VWA8: variants seen among roughly 807,000 people sequenced by gnomAD.
VWA8 encodes von Willebrand factor A domain containing 8.
Under a neutral mutation model 241.5 loss-of-function variants are expected in VWA8, and 221 were observed. That is an observed-to-expected ratio of 0.91 (90% confidence interval 0.82 to 1.02). The LOEUF (loss-of-function observed/expected upper bound fraction) is 1.02, where lower values mean the gene tolerates loss of function less well. VWA8 is among the 50% of genes least tolerant of loss of function. The pLI is 0.00. For synonymous variants in VWA8, 852 were observed against 827.1 expected (o/e 1.03, Z -0.52); for missense variants, 2,322 against 2,328.7 (o/e 1.00, Z 0.06).
intron 26 of VWA8, among the ~76,000 whole-genome samples, chr13:41,709,330 C>A (rs2045302148): frequency 6.6e-6 from 1 of 152,154 alleles, no homozygotes; most frequent in African/African-American, 2.4e-5. Context: ...TTTTCATTGC[C>A]ACGGCCACAA....
intron 17 of VWA8, among the ~76,000 whole-genome samples, chr13:41,799,815 A>T (rs759463911): frequency 2.6e-5 from 4 of 152,280 alleles, no homozygotes; most frequent in Admixed American, 1.3e-4. Context: ...ACCTATTTAA[A>T]GTATACAATT....
intron 4 of VWA8, among the ~76,000 whole-genome samples, chr13:41,903,730 T>C (rs1346775894): frequency 1.3e-5 from 2 of 152,178 alleles, no homozygotes; most frequent in Admixed American, 6.5e-5. Context: ...TAGAGTGATG[T>C]AGGCCATATT....
intron 40 of VWA8, among the ~76,000 whole-genome samples, chr13:41,592,335 A>T (rs1415270962): frequency 1.3e-5 from 1 of 78,558 alleles, no homozygotes. Context: ...GGGAGGGGGG[A>T]GGGGATAGCT....
intron 21 of VWA8, among the ~76,000 whole-genome samples, chr13:41,759,355 G>T (rs1440398344): frequency 4.0e-5 from 6 of 151,440 alleles, no homozygotes; most frequent in African/African-American, 1.5e-4. Context: ...TAATTTTAAA[G>T]ATTTTTCTCT....
chr13:41,642,783 G>C (rs2044805451), intron 37 of VWA8, among the ~76,000 whole-genome samples: 1 of 151,320 alleles, frequency 6.6e-6, no homozygotes, highest in South Asian at 2.1e-4. Flanking sequence ...AAGAAGATTA[G>C]CCAGGCGTGG....
At chr13:41,920,151 C>T (rs1876446466) in intron 2 of VWA8, among the ~76,000 whole-genome samples, 1 of 152,116 alleles carries the variant, frequency 6.6e-6, no homozygotes, top group East Asian at 1.9e-4. Flanking sequence ...TGTCACCATC[C>T]CAGCATCAAG....
intron 4 of VWA8, among the ~76,000 whole-genome samples, chr13:41,896,214 AT>A (rs1263754776): frequency 2.0e-5 from 3 of 152,084 alleles, no homozygotes; most frequent in Admixed American, 1.3e-4. Flanking sequence ...TTTTTTTGCT[AT>A]TATTACATGT....
rs1164022407 is a variant in VWA8 at position 41,567,721 on chromosome 13, GAAAATA to G, written c.*470_*475del. On this transcript the variant is annotated 3_prime_UTR_variant, in exon 45 of 45. Coordinates refer to ENST00000379310, the MANE Select transcript of VWA8 (RefSeq NM_015058.2). ...TTTTCTGGTCAATACAGAGCAGGGA[GAAAATA>G]AAAATAATTGTTGGATAGGAGCATT... 6.5e-6 allele frequency: 1 copy of G among 153,020 alleles called. No homozygotes were observed. Among genetic ancestry groups the G allele is most frequent in the Non-Finnish European group, 1.5e-5 (1 of 68,586 alleles). 9.5% of individuals were successfully genotyped at this position (153,020 alleles called of 1,614,324 possible). A position where few individuals can be genotyped will look rare whatever the true frequency, so the allele number is the denominator to read the frequency against.
At chr13:41,687,625 C>T (rs189996942) in intron 34 of VWA8, among the ~76,000 whole-genome samples, 1 of 152,114 alleles carries the variant, frequency 6.6e-6, no homozygotes, top group Admixed American at 6.6e-5. Context: ...CTGTCTGTTT[C>T]TATTTTTTTC....
chr13:41,633,291 T>C (rs535011813), intron 37 of VWA8, among the ~76,000 whole-genome samples: 2 of 152,314 alleles, frequency 1.3e-5, no homozygotes, highest in Non-Finnish European at 2.9e-5. Flanking sequence ...TGTAAACATC[T>C]GGAGGGAAGG....
In VWA8 at chr13:41,618,680, G is replaced by C. The variant is rs1017064218; in HGVS notation, c.4612-3596C>G. ...GGTGTAAGAAAGGGATCCAGTTTCA[G>C]CTTTCTACATATGGCTAGCCAGTTT... On this transcript the variant is annotated intron_variant, in intron 37 of 44. Transcript: ENST00000379310. Among the ~76,000 whole-genome samples the C allele has an allele frequency of 6.6e-5, 10 of 152,142 alleles. 1 individual carries two copies. Among genetic ancestry groups the C allele is most frequent in the African/African-American group, 2.4e-4 (10 of 41,430 alleles).
intron 5 of VWA8, among the ~76,000 whole-genome samples, chr13:41,889,403 G>C (rs1319314165): frequency 6.7e-6 from 1 of 148,568 alleles, no homozygotes; most frequent in Non-Finnish European, 1.5e-5. Flanking sequence ...TTTTCCGACA[G>C]AGTCTCGCTC....
chr13:41,897,549 G>C (rs1033115377), intron 4 of VWA8, among the ~76,000 whole-genome samples: 1 of 152,220 alleles, frequency 6.6e-6, no homozygotes, highest in African/African-American at 2.4e-5. Flanking sequence ...TATATGGACT[G>C]AATAGATGTA....
intron 41 of VWA8, among the ~76,000 whole-genome samples, chr13:41,589,012 T>C (rs2044437814): frequency 6.6e-6 from 1 of 152,154 alleles, no homozygotes; most frequent in Admixed American, 6.5e-5. Flanking sequence ...TGTTGACTCA[T>C]ACCAATGACA....
chr13:41,773,597 C>T (rs530087646), intron 20 of VWA8, among the ~76,000 whole-genome samples: 3 of 152,264 alleles, frequency 2.0e-5, no homozygotes, highest in South Asian at 4.1e-4. Context: ...CTCGTACCCA[C>T]CAAACAGAAG....
At chr13:41,829,946 A>T (rs996396799) in intron 14 of VWA8, among the ~76,000 whole-genome samples, 19 of 152,148 alleles carry the variant, frequency 1.2e-4, no homozygotes, top group African/African-American at 2.9e-4. Context: ...AAATTTTTTT[A>T]AAAAAATCAC....
intron 37 of VWA8, among the ~76,000 whole-genome samples, chr13:41,654,909 A>G (rs1352945729): frequency 1.3e-5 from 2 of 152,212 alleles, no homozygotes; most frequent in African/African-American, 2.4e-5. Flanking sequence ...AGACATGTAA[A>G]GTAAATGTAA....
intron 37 of VWA8, among the ~76,000 whole-genome samples, chr13:41,631,404 G>A (rs1444714312): frequency 6.6e-6 from 1 of 152,048 alleles, no homozygotes; most frequent in East Asian, 1.9e-4. Context: ...CCCTCAGCTT[G>A]ACTTTGACCC....
At chr13:41,816,431 CAG>C (rs758347102) in intron 16 of VWA8, among the ~76,000 whole-genome samples, 15 of 152,108 alleles carry the variant, frequency 9.9e-5, no homozygotes, top group East Asian at 5.8e-4. Context: ...GCATAGGAGA[CAG>C]AGGGGACAGA....
Sources: allele counts gnomAD v4.1 joint callset (sites outside exome capture counted in the v4.1 genomes callset), GRCh38; gene constraint gnomAD v4.1.1; transcripts MANE v1.5; gene names NCBI Gene and HGNC (gene_info 2026-07-23, HGNC 2026-07-21).